PTPRN2: variants seen among roughly 807,000 people sequenced by gnomAD.
The protein encoded by PTPRN2 is receptor-type tyrosine-protein phosphatase N2.
Under a neutral mutation model 118.8 loss-of-function variants are expected in PTPRN2, and 74 were observed. The observed-to-expected ratio is 0.62, with a 90% confidence interval of 0.52 to 0.76. PTPRN2 has a LOEUF of 0.76. Among genes scored for constraint, PTPRN2 ranks in the 30% least tolerant of loss-of-function variants. PTPRN2 has a pLI of 0.00. For synonymous variants in PTPRN2, 641 were observed against 608.0 expected, an observed-to-expected ratio of 1.05 and a Z score of -0.80; for missense variants, 1,481 against 1,394.4, an observed-to-expected ratio of 1.06 and a Z score of -0.99.
intron 12 of PTPRN2, among the ~76,000 whole-genome samples, chr7:157,762,902 C>T (rs1008453369): frequency 6.6e-6 from 1 of 152,234 alleles, no homozygotes; most frequent in East Asian, 1.9e-4. Context: ...CAATCCAGCC[C>T]CGCCCCTGAA....
In PTPRN2 at chr7:157,603,875, C is replaced by T; in HGVS notation, c.2418+127G>A. On this transcript the variant is annotated intron_variant, in intron 16 of 22. Coordinates refer to ENST00000389418, the MANE Select transcript of PTPRN2 (RefSeq NM_002847.5). This position sits in a 1 kb window ranked among gnomAD's most constrained non-coding sequence, Gnocchi z 5.4. Reference sequence around the variant, plus strand: ...CGGGAGCCCAATGGGCAGAGTCGGCCCTGTCCACCGCAGAGACGCTGAGCT... The same window carrying T: ...CGGGAGCCCAATGGGCAGAGTCGGCTCTGTCCACCGCAGAGACGCTGAGCT... 1.1e-6 allele frequency: 1 copy of T among 880,706 alleles called. No homozygotes were observed. Among genetic ancestry groups the T allele is most frequent in the Non-Finnish European group, 1.7e-6 (1 of 574,304 alleles). The allele number at this position is 880,706 out of a possible 1,614,324, so 54.6% of individuals were successfully genotyped here.
intron 2 of PTPRN2, among the ~76,000 whole-genome samples, chr7:158,401,129 G>C (rs1812915725): frequency 6.6e-6 from 1 of 152,196 alleles, no homozygotes; most frequent in Admixed American, 6.5e-5. Context: ...GACGGAGGCA[G>C]CAGTGATGCC....
chr7:157,748,501 G>T (rs541550420), intron 12 of PTPRN2, among the ~76,000 whole-genome samples: 6 of 119,790 alleles, frequency 5.0e-5, no homozygotes, highest in African/African-American at 1.9e-4. Context: ...CGGAGTGTCT[G>T]GGTGATTCTT....
intron 14 of PTPRN2, among the ~76,000 whole-genome samples, chr7:157,654,378 G>C (rs913852021): frequency 5.9e-5 from 9 of 152,050 alleles, no homozygotes; most frequent in African/African-American, 9.7e-5. Context: ...TGGCATCGTG[G>C]AGTCAGGGAA....
At chr7:157,574,660 C>T (rs1345399044) in intron 19 of PTPRN2, among the ~76,000 whole-genome samples, 3 of 152,326 alleles carry the variant, frequency 2.0e-5, no homozygotes, top group South Asian at 4.1e-4. Flanking sequence ...CTGGCGAACG[C>T]GCCAGGCCAG....
intron 3 of PTPRN2, among the ~76,000 whole-genome samples, chr7:158,265,812 C>CA (rs918996493): frequency 6.6e-6 from 1 of 152,250 alleles, no homozygotes; most frequent in African/African-American, 2.4e-5. Flanking sequence ...GCCTGGCTCC[C>CA]CATCAGCAGG....
chr7:158,075,067 T>C (rs1393015470), intron 11 of PTPRN2, among the ~76,000 whole-genome samples: 2 of 152,212 alleles, frequency 1.3e-5, no homozygotes, highest in African/African-American at 4.8e-5. Context: ...AAAGCCATGA[T>C]GAAGGCGGCT....
chr7:157,670,301 G>A (rs939142029), intron 13 of PTPRN2, among the ~76,000 whole-genome samples: 1 of 152,044 alleles, frequency 6.6e-6, no homozygotes, highest in South Asian at 2.1e-4. Flanking sequence ...GCTGAAACCC[G>A]ACCTCCTGCC....
chr7:158,027,047 C>T (rs535867434), intron 11 of PTPRN2, among the ~76,000 whole-genome samples: 3 of 152,314 alleles, frequency 2.0e-5, no homozygotes, highest in Admixed American at 1.3e-4. Flanking sequence ...CCTCCCATAC[C>T]GAACCTCCAT....
In PTPRN2 at chr7:158,110,701, T is replaced by C. The variant is rs150671294; in HGVS notation, c.1643+128A>G. 586 of 858,640 alleles carry C rather than the reference T, an allele frequency of 6.8e-4. 2 individuals are homozygous for C. In the African/African-American group the frequency reaches 9.0e-3, roughly 13 times the overall value. The allele number at this position is 858,640 out of a possible 1,614,324, so 53.2% of individuals were successfully genotyped here. On this transcript the variant is annotated intron_variant, in intron 10 of 22. Coordinates refer to ENST00000389418, the MANE Select transcript of PTPRN2 (RefSeq NM_002847.5). ...CTTACCAAAGCTGCTGAAATCACCTTTCACTTCTCTAAACAGGTTCCCTCA... is the reference window on the plus strand; with the variant it reads ...CTTACCAAAGCTGCTGAAATCACCTCTCACTTCTCTAAACAGGTTCCCTCA...
intron 3 of PTPRN2, among the ~76,000 whole-genome samples, chr7:158,219,318 T>C (rs1828175868): frequency 6.6e-6 from 1 of 152,152 alleles, no homozygotes; most frequent in Non-Finnish European, 1.5e-5. Flanking sequence ...TAGATGACTT[T>C]TGGGTAAAGA....
At chr7:157,735,126 C>G (rs540397418) in intron 12 of PTPRN2, among the ~76,000 whole-genome samples, 1 of 152,226 alleles carries the variant, frequency 6.6e-6, no homozygotes, top group African/African-American at 2.4e-5. Context: ...CAGCTGAACA[C>G]GGCTCCTGTG....
chr7:158,071,712 C>CTCA (rs1811800781), intron 11 of PTPRN2, among the ~76,000 whole-genome samples: 1 of 47,214 alleles, frequency 2.1e-5, no homozygotes, highest in Non-Finnish European at 3.8e-5. Context: ...GGAGGTGCTC[C>CTCA]TGGTGGTGGA....
rs191688757 is a variant in PTPRN2 at position 157,941,309 on chromosome 7, T to G, written c.1724-42572A>C. 5.6e-5 allele frequency among the ~76,000 whole-genome samples: 5 copies of G among 89,996 alleles called. 1 individual carries two copies. In the Admixed American group the frequency reaches 6.2e-4, roughly 11 times the overall value. 59.0% of individuals were successfully genotyped at this position (89,996 alleles called of 152,430 possible). ...AATCTAACACTCTCCCCTGTGACAC[T>G]GCAAATCTAACACCCTCCCCACCAC... On this transcript the variant is annotated intron_variant, in intron 11 of 22. Coordinates refer to ENST00000389418, the MANE Select transcript of PTPRN2 (RefSeq NM_002847.5).
chr7:158,376,167 CCTAT>C (rs1431066312), intron 2 of PTPRN2, among the ~76,000 whole-genome samples: 1 of 152,202 alleles, frequency 6.6e-6, no homozygotes, highest in Non-Finnish European at 1.5e-5. Flanking sequence ...CCTGCACCTG[CCTAT>C]CTGTGTGCTC....
At chr7:157,687,060 G>C (rs1468407733) in intron 12 of PTPRN2, among the ~76,000 whole-genome samples, 1 of 152,096 alleles carries the variant, frequency 6.6e-6, no homozygotes, top group African/African-American at 2.4e-5. Context: ...ATAAGTGTAT[G>C]ACCACAGAGA....
At position 157,702,184 on chromosome 7, in the gene PTPRN2, G is replaced by C. The variant is rs574735993; in HGVS notation, c.1789-19247C>G. 7.4e-5 allele frequency among the ~76,000 whole-genome samples: 11 copies of C among 147,904 alleles called. No homozygotes were observed. The South Asian group carries it at 2.2e-3, about 29-fold the overall frequency. ...TGACACGGGCTGTGGGTTTGTAAGAGAGCCGGGTAGGTGCTGGTGTAACTG... is the reference window on the plus strand; with the variant it reads ...TGACACGGGCTGTGGGTTTGTAAGACAGCCGGGTAGGTGCTGGTGTAACTG... On this transcript the variant is annotated intron_variant, in intron 12 of 22. Coordinates refer to ENST00000389418, the MANE Select transcript of PTPRN2 (RefSeq NM_002847.5).
In PTPRN2 at chr7:157,861,357, C is replaced by T. The variant is rs763878430; in HGVS notation, c.1788+37316G>A. On this transcript the variant is annotated intron_variant, in intron 12 of 22. Coordinates refer to ENST00000389418, the MANE Select transcript of PTPRN2 (RefSeq NM_002847.5). The surrounding 1 kb of genome is among the most constrained non-coding windows in gnomAD (Gnocchi z 5.8). ...CCGGCTGGAGCTCGGCCAAGGAGCC[C>T]GGGTCCCTTCAGTCTGCGCTCCCTG... Among the ~76,000 whole-genome samples, 3 of 152,370 alleles carry T rather than the reference C, an allele frequency of 2.0e-5. No individual in the cohort carries two copies. Among genetic ancestry groups the T allele is most frequent in the Middle Eastern group, 6.8e-3 (2 of 294 alleles).
At chr7:157,566,303 A>T (rs1473873743) in intron 21 of PTPRN2, among the ~76,000 whole-genome samples, 1 of 152,102 alleles carries the variant, frequency 6.6e-6, no homozygotes, top group Non-Finnish European at 1.5e-5. Flanking sequence ...CACGTCCAGG[A>T]CTCTGGGCCT....
Sources: gnomAD v4.1 joint callset for allele counts (sites outside exome capture counted in the v4.1 genomes callset) on GRCh38, gnomAD v4.1.1 for gene constraint, Gnocchi (gnomAD v3.1) non-coding constraint, MANE v1.5 for transcripts, NCBI Gene and HGNC (gene_info 2026-07-23, HGNC 2026-07-21) for gene names.